Variants in DCDC2 observed in about 807,000 individuals in gnomAD.
DCDC2 encodes the protein doublecortin domain containing 2, also known as doublecortin domain-containing protein 2.
A neutral mutation model predicts 50.2 loss-of-function variants in DCDC2; 40 were observed. The observed-to-expected ratio is 0.80, with a 90% CI of 0.62 to 1.04. The LOEUF (loss-of-function observed/expected upper bound fraction) is 1.04. Among genes scored for constraint, DCDC2 ranks in the 50% least tolerant of loss-of-function variants. DCDC2 has a pLI of 0.00. For missense variants in DCDC2, 570 were observed against 581.9 expected (o/e 0.98, Z 0.21); for synonymous variants, 234 against 210.6 (o/e 1.11, Z -0.96).
chr6:24,364,127 A>G, the DCDC2 span, among the ~76,000 whole-genome samples: 31 of 152,102 alleles, frequency 2.0e-4, no homozygotes, highest in African/African-American at 7.0e-4. Context: ...AACTCCCTCT[A>G]TAGATCAAGT....
At chr6:24,286,239 T>C (rs1249658161) in intron 6 of DCDC2, among the ~76,000 whole-genome samples, 1 of 152,130 alleles carries the variant, frequency 6.6e-6, no homozygotes, top group Non-Finnish European at 1.5e-5. Flanking sequence ...TGCTGGGTGA[T>C]GAAGTACCAC....
At chr6:24,309,581 G>T (rs1759535583) in intron 2 of DCDC2, among the ~76,000 whole-genome samples, 1 of 152,036 alleles carries the variant, frequency 6.6e-6, no homozygotes, top group African/African-American at 2.4e-5. Context: ...TAGCTAAAAA[G>T]CCAATAGAGA....
intron 2 of DCDC2, among the ~76,000 whole-genome samples, chr6:24,350,087 C>T (rs1158884614): frequency 6.6e-6 from 1 of 152,190 alleles, no homozygotes; most frequent in Admixed American, 6.5e-5. Flanking sequence ...TCCCCAAACC[C>T]ATCATGAGGC....
At chr6:24,215,432 G>T (rs1459702066) in intron 7 of DCDC2, among the ~76,000 whole-genome samples, 1 of 152,090 alleles carries the variant, frequency 6.6e-6, no homozygotes, top group African/African-American at 2.4e-5. Flanking sequence ...GGCTGAGGGA[G>T]CGTCCTGGAA....
intron 7 of DCDC2, among the ~76,000 whole-genome samples, chr6:24,210,685 T>C (rs1761848436): frequency 6.6e-6 from 1 of 152,226 alleles, no homozygotes; most frequent in Admixed American, 6.5e-5. Flanking sequence ...TGCTAGCTCA[T>C]AATCATCCTC....
intron 7 of DCDC2, among the ~76,000 whole-genome samples, chr6:24,210,251 A>G (rs2049012275): frequency 6.6e-6 from 1 of 152,158 alleles, no homozygotes; most frequent in African/African-American, 2.4e-5. Flanking sequence ...AGTACCATCA[A>G]TGTGCCAGTG....
chr6:24,238,136 G>A (rs1429580387), intron 7 of DCDC2, among the ~76,000 whole-genome samples: 1 of 8,130 alleles, frequency 1.2e-4, no homozygotes, highest in African/African-American at 2.3e-4. Context: ...GAGGAAAGGA[G>A]GAAGGGATGC....
chr6:24,351,695 C>T (rs966454670), intron 2 of DCDC2, among the ~76,000 whole-genome samples: 4 of 152,146 alleles, frequency 2.6e-5, no homozygotes, highest in Non-Finnish European at 5.9e-5. Context: ...GGATCTTGTA[C>T]GTTGGCTCAT....
chr6:24,377,817 G>A, the DCDC2 span, among the ~76,000 whole-genome samples: 14,611 of 152,060 alleles, frequency 0.096, 953 homozygotes, highest in African/African-American at 0.18. Context: ...GTGAAACCCC[G>A]TTTCTCCTAA....
At chr6:24,195,267 A>G (rs577087115) in intron 8 of DCDC2, among the ~76,000 whole-genome samples, 1 of 152,294 alleles carries the variant, frequency 6.6e-6, no homozygotes, top group East Asian at 1.9e-4. Context: ...ATTTGCACCC[A>G]AGACCCAATT....
chr6:24,271,378 G>A (rs571839943), intron 7 of DCDC2, among the ~76,000 whole-genome samples: 2 of 152,240 alleles, frequency 1.3e-5, no homozygotes, highest in South Asian at 4.2e-4. Flanking sequence ...GTAATGGGTA[G>A]CATCTATGAA....
rs1759228102 is a variant in DCDC2 at position 24,296,127 on chromosome 6, C to G, written c.558-5049G>C. On this transcript the variant is annotated intron_variant, in intron 4 of 9. Coordinates refer to ENST00000378454, the MANE Select transcript of DCDC2 (RefSeq NM_016356.5). ...AGCATGGTATTGGGACAAAAACAGA[C>G]AATGTAGACCAACGGAACCAAATAG... Among the ~76,000 whole-genome samples the G allele has an allele frequency of 2.6e-5, 4 of 152,146 alleles. No individual in the cohort carries two copies. The South Asian group carries it at 8.3e-4, about 32-fold the overall frequency.
intron 9 of DCDC2, among the ~76,000 whole-genome samples, chr6:24,176,028 C>T (rs1013161700): frequency 5.9e-5 from 9 of 152,108 alleles, no homozygotes; most frequent in Non-Finnish European, 2.9e-5. Context: ...CATGGTGGCA[C>T]GTGGCTGTAA....
chr6:24,234,343 T>C (rs1481683993), intron 7 of DCDC2, among the ~76,000 whole-genome samples: 1 of 152,084 alleles, frequency 6.6e-6, no homozygotes, highest in Non-Finnish European at 1.5e-5. Flanking sequence ...AGTCAGAACA[T>C]AAACTTGAGT....
the DCDC2 span, among the ~76,000 whole-genome samples, chr6:24,365,010 G>A: frequency 2.6e-5 from 4 of 152,184 alleles, no homozygotes; most frequent in Non-Finnish European, 4.4e-5. Context: ...AGGGCCTTGA[G>A]ACTGTTTCTT....
At chr6:24,183,121 T>C (rs944627802) in intron 8 of DCDC2, among the ~76,000 whole-genome samples, 1 of 152,152 alleles carries the variant, frequency 6.6e-6, no homozygotes, top group Non-Finnish European at 1.5e-5. Context: ...AGAATGCTGA[T>C]TGCCAGGTTG....
chr6:24,175,198 G>C (rs1170088558), intron 9 of DCDC2, among the ~76,000 whole-genome samples: 2 of 152,110 alleles, frequency 1.3e-5, no homozygotes, highest in African/African-American at 4.8e-5. Context: ...AAAATTCAGG[G>C]ACATTCTCCT....
At chr6:24,277,026 T>C (rs1244803283) in intron 7 of DCDC2, among the ~76,000 whole-genome samples, 1 of 152,216 alleles carries the variant, frequency 6.6e-6, no homozygotes, top group Admixed American at 6.5e-5. Flanking sequence ...TCTTTTAACC[T>C]AGCCTCACGT....
In DCDC2 at chr6:24,253,629, G is replaced by A. The variant is rs140903167; in HGVS notation, c.922+24420C>T. Among the ~76,000 whole-genome samples, 169 of 152,220 alleles carry A rather than the reference G, an allele frequency of 1.1e-3. 6 individuals are homozygous for A. The East Asian group carries it at 0.029, about 26-fold the overall frequency. ...ACAGCATGCTACTATACTGAGTACTGTAGGCAACTATAACACAATGGTAAC... is the reference window on the plus strand; with the variant it reads ...ACAGCATGCTACTATACTGAGTACTATAGGCAACTATAACACAATGGTAAC... On this transcript the variant is annotated intron_variant, in intron 7 of 9. Transcript: ENST00000378454.
Sources: gnomAD v4.1 joint callset for allele counts (sites outside exome capture counted in the v4.1 genomes callset) on GRCh38, gnomAD v4.1.1 for gene constraint, MANE v1.5 for transcripts, NCBI Gene and HGNC (gene_info 2026-07-23, HGNC 2026-07-21) for gene names.